COL25A1: variants seen among roughly 807,000 people sequenced by gnomAD.
COL25A1 encodes the protein collagen type XXV alpha 1 chain.
In COL25A1, 103 loss-of-function variants were observed where a neutral mutation model predicts 128.4. The ratio of observed to expected loss-of-function variants is 0.80; its 90% CI spans 0.68 to 0.94. The LOEUF (loss-of-function observed/expected upper bound fraction) is 0.94, where lower values mean the gene tolerates loss of function less well. COL25A1 is among the 40% of genes least tolerant of loss of function. The pLI is 0.00. For synonymous variants in COL25A1, 279 were observed against 277.2 expected, an observed-to-expected ratio of 1.01 and a Z score of -0.06; for missense variants, 745 against 840.0, an observed-to-expected ratio of 0.89 and a Z score of 1.40.
intron 3 of COL25A1, among the ~76,000 whole-genome samples, chr4:109,157,064 A>G (rs1163792427): frequency 6.6e-6 from 1 of 152,200 alleles, no homozygotes; most frequent in African/African-American, 2.4e-5. Flanking sequence ...ATACACCTAC[A>G]TTCAAATTTT....
intron 13 of COL25A1, among the ~76,000 whole-genome samples, chr4:108,906,155 A>G (rs572170736): frequency 6.6e-6 from 1 of 152,098 alleles, no homozygotes; most frequent in Non-Finnish European, 1.5e-5. Context: ...ACATCCTTAC[A>G]ATGGCCCCAG....
At chr4:108,988,465 A>C (rs77862348) in intron 6 of COL25A1, among the ~76,000 whole-genome samples, 6,050 of 152,264 alleles carry the variant, frequency 0.04, 388 homozygotes, top group African/African-American at 0.14. Context: ...ACAATTTCTC[A>C]TGTGTCGACT....
At chr4:108,942,066 G>A in intron 8 of COL25A1, 1 of 698,564 alleles carries the variant, frequency 1.4e-6, no homozygotes, top group Non-Finnish European at 2.5e-6. Context: ...CCTCAATGAT[G>A]CAAGTGGGGT....
chr4:108,877,359 C>T (rs73840728), intron 19 of COL25A1, among the ~76,000 whole-genome samples: 6,905 of 152,148 alleles, frequency 0.045, 420 homozygotes, highest in African/African-American at 0.14. Flanking sequence ...GATCCTGTTT[C>T]TGCATGAAAC....
At chr4:109,034,530 A>G (rs112656190) in intron 5 of COL25A1, among the ~76,000 whole-genome samples, 13 of 152,188 alleles carry the variant, frequency 8.5e-5, no homozygotes, top group African/African-American at 2.4e-4. Context: ...TCCCTCTTCA[A>G]ATTCCTATTT....
At chr4:108,873,259 T>C (rs972811940) in intron 19 of COL25A1, among the ~76,000 whole-genome samples, 4 of 152,164 alleles carry the variant, frequency 2.6e-5, no homozygotes, top group African/African-American at 9.7e-5. Flanking sequence ...CTTTCAATTC[T>C]AATTTTTAAG....
rs373950473 is a variant in COL25A1 at position 109,009,905 on chromosome 4, G to A, written c.438+453C>T. Among the ~76,000 whole-genome samples, 25 of 152,102 alleles carry A rather than the reference G, an allele frequency of 1.6e-4. No individual in the cohort carries two copies. In the South Asian group the frequency reaches 3.9e-3, roughly 24 times the overall value. The stretch of plus-strand genomic sequence containing the variant: ...ATGCTTAATTATAAATCATGTCTTC[G>A]GCAGTTGTTTCTAAATTAAAAATTC... On this transcript the variant is annotated intron_variant, in intron 6 of 37. Coordinates refer to ENST00000399132, the MANE Select transcript of COL25A1 (RefSeq NM_198721.4).
rs1055648007 is a variant in COL25A1, at chr4:109,300,498, T to C, written c.367+85A>G. 2.7e-5 allele frequency: 24 copies of C among 891,980 alleles called. No individual in the cohort carries two copies. In the African/African-American group the frequency reaches 3.3e-4, roughly 12 times the overall value. The allele number at this position is 891,980 out of a possible 1,614,324, so 55.3% of individuals were successfully genotyped here. Reference sequence around the variant, plus strand: ...GGTCTGCATTCTTTCTTTACTATTATTACAGGTAGACTTGACAGACACAGG... The same window carrying C: ...GGTCTGCATTCTTTCTTTACTATTACTACAGGTAGACTTGACAGACACAGG... On this transcript the variant is annotated intron_variant, in intron 3 of 37. Transcript: ENST00000399132.
At chr4:108,999,209 C>CTATCCATCTGACAAAGGGGTAA (rs1553995497) in intron 6 of COL25A1, among the ~76,000 whole-genome samples, 9 of 150,258 alleles carry the variant, frequency 6.0e-5, no homozygotes, top group Middle Eastern at 3.4e-3. Context: ...TCTTTGCAAT[C>CTATCCATCTGACAAAGGGGTAA]TATCCATCTG....
intron 3 of COL25A1, among the ~76,000 whole-genome samples, chr4:109,185,938 A>G (rs185804489): frequency 1.3e-5 from 2 of 152,340 alleles, no homozygotes; most frequent in Non-Finnish European, 2.9e-5. Flanking sequence ...GAACTGTGAG[A>G]AAATAAATTT....
intron 3 of COL25A1, among the ~76,000 whole-genome samples, chr4:109,076,106 A>G (rs925273609): frequency 2.0e-5 from 3 of 152,214 alleles, no homozygotes; most frequent in Admixed American, 2.0e-4. Context: ...GAGAATATGC[A>G]TAGCTTATAT....
chr4:109,008,259 G>A (rs965619201), intron 6 of COL25A1, among the ~76,000 whole-genome samples: 6 of 152,172 alleles, frequency 3.9e-5, no homozygotes, highest in African/African-American at 1.4e-4. Context: ...GGAACTTAGT[G>A]GATAAATCCA....
chr4:109,269,129 G>A (rs1022814979), intron 3 of COL25A1, among the ~76,000 whole-genome samples: 1 of 133,842 alleles, frequency 7.5e-6, no homozygotes, highest in Non-Finnish European at 1.5e-5. Context: ...TCCCCTTCCT[G>A]TGTCTATGTG....
At chr4:109,253,897 C>T (rs1780842247) in intron 3 of COL25A1, among the ~76,000 whole-genome samples, 1 of 152,092 alleles carries the variant, frequency 6.6e-6, no homozygotes, top group Non-Finnish European at 1.5e-5. Context: ...ACCATCCTGG[C>T]TAACACGGTG....
intron 6 of COL25A1, among the ~76,000 whole-genome samples, chr4:108,985,147 G>A (rs1032527443): frequency 5.3e-5 from 8 of 152,214 alleles, no homozygotes; most frequent in South Asian, 2.1e-4. Context: ...CTTTTAATAT[G>A]AGCTTCTACA....
At chr4:108,844,685 T>C in intron 29 of COL25A1, 116 bp from the exon 30 acceptor site, 2 of 1,339,588 alleles carry the variant, frequency 1.5e-6, no homozygotes, top group South Asian at 1.6e-5. Flanking sequence ...GGAAGAAAGA[T>C]ACTAGAATAA....
At chr4:108,859,566 G>C in intron 24 of COL25A1, 90 bp downstream of exon 24, 2 of 1,003,012 alleles carry the variant, frequency 2.0e-6, no homozygotes, top group Admixed American at 2.3e-5. Context: ...TCTGAGGATA[G>C]AGGGTGTGGA....
intron 8 of COL25A1, among the ~76,000 whole-genome samples, chr4:108,961,285 T>C (rs187938164): frequency 6.6e-6 from 1 of 152,308 alleles, no homozygotes; most frequent in African/African-American, 2.4e-5. Context: ...CAGAGATGTG[T>C]ATATAAAATA....
chr4:109,127,729 A>T (rs1441498922), intron 3 of COL25A1, among the ~76,000 whole-genome samples: 2 of 152,150 alleles, frequency 1.3e-5, no homozygotes, highest in African/African-American at 4.8e-5. Context: ...ATCAGTTGGT[A>T]CTTAGTAGGC....
Sources: allele counts gnomAD v4.1 joint callset (sites outside exome capture counted in the v4.1 genomes callset), GRCh38; gene constraint gnomAD v4.1.1; transcripts MANE v1.5; gene names NCBI Gene and HGNC (gene_info 2026-07-23, HGNC 2026-07-21).